Variants in SLC4A4 observed in about 807,000 individuals in gnomAD.
SLC4A4 encodes electrogenic sodium bicarbonate cotransporter 1.
Under a neutral mutation model 111.5 loss-of-function variants are expected in SLC4A4, and 27 were observed. The ratio of observed to expected loss-of-function variants is 0.24; its 90% confidence interval spans 0.18 to 0.33. The LOEUF is 0.33. SLC4A4 is among the 10% of genes least tolerant of loss of function. SLC4A4 has a pLI of 1.00. For missense variants in SLC4A4, 909 were observed against 1,315.5 expected (o/e 0.69, Z 4.78); for synonymous variants, 443 against 463.4 (o/e 0.96, Z 0.57).
At chr4:71,183,811 C>A (rs1745374317), upstream of SLC4A4, among the ~76,000 whole-genome samples, 1 of 152,080 alleles carries the variant, frequency 6.6e-6, no homozygotes, top group Non-Finnish European at 1.5e-5. Flanking sequence ...CAATGAACCA[C>A]CTATTTAAAA....
chr4:71,255,132 A>G, intron 2 of SLC4A4, 88 bp from the exon 3 acceptor site: 6 of 1,234,232 alleles, frequency 4.9e-6, no homozygotes, highest in Non-Finnish European at 7.2e-6. Context: ...ATTTATAGAC[A>G]TTTTCTTCTG....
chr4:71,497,566 C>T lies in SLC4A4; in HGVS notation c.2040C>T (p.Asn680=), dbSNP rs201133749. 1.2e-6 allele frequency: 2 copies of T among 1,613,554 alleles called. No individual in the cohort carries two copies. The highest frequency in any genetic ancestry group is 8.5e-7 in the Non-Finnish European group (1 of 1,179,754). The part of the protein sequence containing the change: ...SKKECSKYGG[N]LVGNNCNFVP... ...AGGAGTGTTCAAAATACGGAGGAAACCTCGTCGGGAACAACTGTAATTTTG... is the reference window on the plus strand; with the variant it reads ...AGGAGTGTTCAAAATACGGAGGAAATCTCGTCGGGAACAACTGTAATTTTG... The change falls in exon 16 of 26, where the codon AAC becomes AAT. Residue 680 remains asparagine, a synonymous_variant. Transcript: ENST00000264485.
chr4:71,373,903 G>A (rs1732106417), intron 6 of SLC4A4, among the ~76,000 whole-genome samples: 1 of 152,172 alleles, frequency 6.6e-6, no homozygotes, highest in Admixed American at 6.5e-5. Flanking sequence ...TGCCTCAGGA[G>A]GTAGCAACCA....
chr4:71,117,672 C>T (rs1743304273), intron 2 of SLC4A4, among the ~76,000 whole-genome samples: 5 of 152,058 alleles, frequency 3.3e-5, no homozygotes, highest in Non-Finnish European at 5.9e-5. Context: ...GGAGATTTTC[C>T]ACATTATCAA....
intron 15 of SLC4A4, among the ~76,000 whole-genome samples, chr4:71,488,258 T>C (rs954952656): frequency 3.3e-5 from 5 of 151,544 alleles, no homozygotes; most frequent in Admixed American, 1.3e-4. Context: ...GAAATTGTTA[T>C]CTAACTTAAT....
intron 1 of SLC4A4, among the ~76,000 whole-genome samples, chr4:71,087,948 C>G (rs1165272728): frequency 6.6e-6 from 1 of 151,872 alleles, no homozygotes; most frequent in Non-Finnish European, 1.5e-5. Flanking sequence ...GAGTTCAATT[C>G]CTGGATATCC....
At chr4:71,523,263 G>C (rs1474497823) in intron 16 of SLC4A4, among the ~76,000 whole-genome samples, 1 of 152,110 alleles carries the variant, frequency 6.6e-6, no homozygotes, top group Non-Finnish European at 1.5e-5. Context: ...CACTAAAGGA[G>C]AACCAGATTT....
intron 6 of SLC4A4, among the ~76,000 whole-genome samples, chr4:71,378,046 G>A (rs1335704025): frequency 1.3e-5 from 2 of 152,126 alleles, no homozygotes; most frequent in East Asian, 3.9e-4. Flanking sequence ...TCAGTATCAG[G>A]AGAATAGCAC....
At chr4:71,557,508 A>T (rs961610044) in intron 21 of SLC4A4, among the ~76,000 whole-genome samples, 3 of 151,942 alleles carry the variant, frequency 2.0e-5, no homozygotes, top group African/African-American at 7.2e-5. Context: ...TCTACATAAC[A>T]TTCCCGCAAT....
At chr4:71,090,282 G>A (rs954404257) in intron 1 of SLC4A4, among the ~76,000 whole-genome samples, 1 of 152,098 alleles carries the variant, frequency 6.6e-6, no homozygotes, top group Admixed American at 6.5e-5. Flanking sequence ...CAATTTTCCA[G>A]GTGTCATCTG....
In SLC4A4 at chr4:71,397,693, C is replaced by T. The variant is rs190060449; in HGVS notation, c.807+40C>T. 1.3e-3 allele frequency: 1,947 copies of T among 1,514,944 alleles called. 2 individuals are homozygous for T. Among genetic ancestry groups the T allele is most frequent in the Non-Finnish European group, 1.6e-3 (1,703 of 1,089,830 alleles). 93.8% of individuals were successfully genotyped at this position (1,514,944 alleles called of 1,614,324 possible). On this transcript the variant is annotated intron_variant, in intron 7 of 25. Coordinates refer to ENST00000264485, the MANE Select transcript of SLC4A4 (RefSeq NM_001098484.3). The stretch of plus-strand genomic sequence containing the variant: ...CTTGCTTCTTTGAAATGTAAGAGAA[C>T]GTATATCTAAAAGATGCTGAGAAAG...
At chr4:71,511,321 G>A (rs553770747) in intron 16 of SLC4A4, among the ~76,000 whole-genome samples, 23 of 152,158 alleles carry the variant, frequency 1.5e-4, no homozygotes, top group Admixed American at 4.6e-4. Context: ...AACTTGCTCA[G>A]CATTTATTTG....
At chr4:71,176,380 C>A (rs558354409) in intron 2 of SLC4A4, among the ~76,000 whole-genome samples, 1 of 152,046 alleles carries the variant, frequency 6.6e-6, no homozygotes, top group Non-Finnish European at 1.5e-5. Flanking sequence ...CAAACTACTC[C>A]GAGCTAAAGG....
At chr4:71,512,663 T>G (rs1732036595) in intron 16 of SLC4A4, among the ~76,000 whole-genome samples, 1 of 152,176 alleles carries the variant, frequency 6.6e-6, no homozygotes. Flanking sequence ...TCTATTTTTG[T>G]TTGGTTGCCA....
chr4:71,324,398 C>T (rs1727350934), intron 3 of SLC4A4, among the ~76,000 whole-genome samples: 1 of 151,988 alleles, frequency 6.6e-6, no homozygotes, highest in Non-Finnish European at 1.5e-5. Flanking sequence ...AATATAATTA[C>T]AATTAATATA....
At chr4:71,442,952 G>C (rs1249209258) in intron 8 of SLC4A4, among the ~76,000 whole-genome samples, 1 of 151,258 alleles carries the variant, frequency 6.6e-6, no homozygotes, top group African/African-American at 2.4e-5. Flanking sequence ...GGCCCCTCTT[G>C]CCATTCATGT....
chr4:71,308,100 A>G (rs1725835558), intron 3 of SLC4A4, among the ~76,000 whole-genome samples: 1 of 152,122 alleles, frequency 6.6e-6, no homozygotes, highest in Non-Finnish European at 1.5e-5. Flanking sequence ...ATATACTCTT[A>G]TAGTCTTCTT....
rs141944793 is a variant in SLC4A4 at position 71,523,537 on chromosome 4, C to T, written c.2167-8525C>T. ...GGAGCAGTGATTGGCCAAAACATTT[C>T]GAGAAAGCTTTTAGTGGTTGCAAAG... On this transcript the variant is annotated intron_variant, in intron 16 of 25. Coordinates refer to ENST00000264485, the MANE Select transcript of SLC4A4 (RefSeq NM_001098484.3). Among the ~76,000 whole-genome samples the T allele has an allele frequency of 8.0e-4, 122 of 152,142 alleles. 1 individual carries two copies. Among genetic ancestry groups the T allele is most frequent in the East Asian group, 7.1e-3 (37 of 5,176 alleles).
At chr4:71,297,336 C>T (rs915336745) in intron 3 of SLC4A4, among the ~76,000 whole-genome samples, 2 of 152,146 alleles carry the variant, frequency 1.3e-5, no homozygotes, top group East Asian at 1.9e-4. Context: ...CCTGTTACTA[C>T]CCCTGAGCAC....
Sources: allele counts gnomAD v4.1 joint callset (sites outside exome capture counted in the v4.1 genomes callset), GRCh38; gene constraint gnomAD v4.1.1; transcripts MANE v1.5; gene names NCBI Gene and HGNC (gene_info 2026-07-23, HGNC 2026-07-21).